GLYATL2: variants seen among roughly 807,000 people sequenced by gnomAD.
GLYATL2 encodes glycine N-acyltransferase-like protein 2.
A neutral mutation model predicts 21.4 loss-of-function variants in GLYATL2; 25 were observed. The ratio of observed to expected loss-of-function variants is 1.17; its 90% CI spans 0.85 to 1.63. GLYATL2 has a LOEUF of 1.63. Ranked by LOEUF, GLYATL2 falls within the 40% of genes most tolerant of loss-of-function variation. GLYATL2 has a pLI of 0.00. For missense variants in GLYATL2, 361 were observed against 343.3 expected (o/e 1.05, Z -0.41); for synonymous variants, 114 against 118.2 (o/e 0.96, Z 0.23).
At chr11:58,864,226 C>T (rs1853984302) in intron 1 of GLYATL2, among the ~76,000 whole-genome samples, 1 of 152,142 alleles carries the variant, frequency 6.6e-6, no homozygotes. Flanking sequence ...CAGGGGCCAG[C>T]CTTGTTCTGG....
intron 1 of GLYATL2, chr11:58,904,077 C>G (rs912152046): frequency 6.6e-6 from 1 of 152,148 alleles, no homozygotes; most frequent in East Asian, 1.9e-4. Flanking sequence ...ATGGAAAACC[C>G]CATTCACAAG....
At chr11:58,852,418 G>C (rs947212583) in intron 1 of GLYATL2, among the ~76,000 whole-genome samples, 1 of 152,182 alleles carries the variant, frequency 6.6e-6, no homozygotes, top group Non-Finnish European at 1.5e-5. Context: ...CTGACTATAC[G>C]TTTTGAATAA....
intron 1 of GLYATL2, among the ~76,000 whole-genome samples, chr11:58,855,506 G>A (rs903186424): frequency 6.6e-6 from 1 of 152,188 alleles, no homozygotes; most frequent in Non-Finnish European, 1.5e-5. Flanking sequence ...TAGAGAATAG[G>A]CAAACTCTAT....
In GLYATL2 at chr11:58,862,037, A is replaced by G. The variant is rs1319732317; in HGVS notation, n.61-23669T>C. 2.4e-4 allele frequency among the ~76,000 whole-genome samples: 18 copies of G among 73,708 alleles called. No homozygotes were observed. In the Admixed American group the frequency reaches 3.3e-3, roughly 13 times the overall value. 48.4% of individuals were successfully genotyped at this position (73,708 alleles called of 152,430 possible). ...TGGCAAAGTTTTTAATCTCTCCATT[A>G]TTTGCAAAAACAAACAAACAAACAA... On this transcript the variant is annotated intron_variant and non_coding_transcript_variant, in intron 1 of 4. Coordinates refer to the GLYATL2 transcript ENST00000533636.
At chr11:58,902,054 G>A (rs1023413978) in intron 1 of GLYATL2, among the ~76,000 whole-genome samples, 5 of 152,128 alleles carry the variant, frequency 3.3e-5, no homozygotes, top group Non-Finnish European at 7.4e-5. Flanking sequence ...GTCTTCCTAA[G>A]ATAGGATGGA....
chr11:58,834,400 G>A lies in GLYATL2; in HGVS notation c.*29C>T. 1 of 1,522,384 alleles carries A rather than the reference G, an allele frequency of 6.6e-7. No homozygotes were observed. The allele number at this position is 1,522,384 out of a possible 1,614,324, so 94.3% of individuals were successfully genotyped here. On this transcript the variant is annotated 3_prime_UTR_variant, in exon 6 of 6. Transcript: ENST00000287275. Reference sequence around the variant, plus strand: ...TGAATTAATGTTTTTTTACTGATAAGAAAGATTTGAAATGGACAGTGGAAT... The same window carrying A: ...TGAATTAATGTTTTTTTACTGATAAAAAAGATTTGAAATGGACAGTGGAAT...
intron 1 of GLYATL2, among the ~76,000 whole-genome samples, chr11:58,865,768 A>G (rs1854013910): frequency 6.7e-6 from 1 of 149,052 alleles, no homozygotes; most frequent in Non-Finnish European, 1.5e-5. Flanking sequence ...GTTTTAGGAC[A>G]TGACTTTAGA....
At chr11:58,876,701 T>TG (rs1197777157) in intron 1 of GLYATL2, among the ~76,000 whole-genome samples, 1 of 152,192 alleles carries the variant, frequency 6.6e-6, no homozygotes, top group Non-Finnish European at 1.5e-5. Context: ...CCGCCCCTAC[T>TG]GGGGGGTGCC....
At chr11:58,907,117 T>G (rs1854911738), upstream of GLYATL2, 1 of 353,622 alleles carries the variant, frequency 2.8e-6, no homozygotes, top group Admixed American at 3.4e-5. Flanking sequence ...AGTTTTAGGG[T>G]GGTTCTTTCC....
chr11:58,877,809 G>T (rs1444829048), intron 1 of GLYATL2, among the ~76,000 whole-genome samples: 3 of 152,226 alleles, frequency 2.0e-5, no homozygotes, highest in Non-Finnish European at 2.9e-5. Context: ...AATAGTTTCA[G>T]TAAATTTTGC....
intron 1 of GLYATL2, among the ~76,000 whole-genome samples, chr11:58,896,880 C>A (rs1590754912): frequency 6.6e-6 from 1 of 152,186 alleles, no homozygotes; most frequent in Admixed American, 6.5e-5. Flanking sequence ...TTGGTCCACA[C>A]CTTGATCCCC....
intron 1 of GLYATL2, among the ~76,000 whole-genome samples, chr11:58,885,241 C>A (rs927502655): frequency 6.6e-6 from 1 of 152,170 alleles, no homozygotes; most frequent in African/African-American, 2.4e-5. Flanking sequence ...ACAAGGACAC[C>A]TATCTGTGAG....
chr11:58,887,130 G>A (rs897148455), intron 1 of GLYATL2, among the ~76,000 whole-genome samples: 3 of 152,122 alleles, frequency 2.0e-5, no homozygotes, highest in Admixed American at 1.3e-4. Context: ...TTTTACCAAC[G>A]TAACTATAGC....
intron 1 of GLYATL2, among the ~76,000 whole-genome samples, chr11:58,886,259 C>T (rs754815479): frequency 1.3e-5 from 2 of 152,032 alleles, no homozygotes; most frequent in African/African-American, 4.8e-5. Flanking sequence ...AGGGACTCAA[C>T]GACTCATAAT....
At chr11:58,899,830 C>T (rs75720831) in intron 1 of GLYATL2, among the ~76,000 whole-genome samples, 33 of 143,456 alleles carry the variant, frequency 2.3e-4, no homozygotes, top group Non-Finnish European at 3.7e-4. Context: ...TATATATATA[C>T]ACACACATAC....
chr11:58,865,413 T>C (rs1854006563), intron 1 of GLYATL2, among the ~76,000 whole-genome samples: 2 of 149,092 alleles, frequency 1.3e-5, no homozygotes, highest in African/African-American at 2.4e-5. Context: ...GAGAAAAGTT[T>C]CCAGATCAAA....
At chr11:58,852,723 T>A (rs1445071618) in intron 1 of GLYATL2, among the ~76,000 whole-genome samples, 1 of 152,230 alleles carries the variant, frequency 6.6e-6, no homozygotes, top group African/African-American at 2.4e-5. Context: ...GACCATATTA[T>A]CTGCCAGTTT....
At position 58,838,359 on chromosome 11, in the gene GLYATL2, C is replaced by T. The variant is rs148535188; in HGVS notation, c.88G>A (p.Ala30Thr). ...SIPESIKVYG[A>T]IFNIKDKNPF... ...TTTTTATCTTTTATGTTGAAAATGG[C>T]GCCATATACCTACGATGCAACAGAA... is the stretch of plus-strand genomic sequence containing the variant. Residue 30 changes from alanine to threonine, a missense_variant, in exon 3 of 6, where the codon GCC becomes ACC. Physicochemically the swap from Ala to Thr is moderately conservative, Grantham distance 58 (BLOSUM62 0). Transcript: ENST00000287275. 1.5e-4 allele frequency: 238 copies of T among 1,606,042 alleles called. No homozygotes were observed. The highest frequency in any genetic ancestry group is 9.9e-4 in the Middle Eastern group (6 of 6,046).
At chr11:58,850,915 C>T (rs1447883374) in intron 1 of GLYATL2, among the ~76,000 whole-genome samples, 4 of 152,174 alleles carry the variant, frequency 2.6e-5, no homozygotes, top group Admixed American at 6.5e-5. Context: ...ACTCTGGGCA[C>T]CTGGCTCTGC....
Sources: allele counts gnomAD v4.1 joint callset (sites outside exome capture counted in the v4.1 genomes callset), GRCh38; gene constraint gnomAD v4.1.1; transcripts MANE v1.5; gene names NCBI Gene and HGNC (gene_info 2026-07-23, HGNC 2026-07-21).